CDH4: variants seen among roughly 807,000 people sequenced by gnomAD.
CDH4 encodes cadherin-4.
A neutral mutation model predicts 86.0 loss-of-function variants in CDH4; 33 were observed. The observed-to-expected ratio is 0.38, with a 90% CI of 0.29 to 0.51. The LOEUF (loss-of-function observed/expected upper bound fraction) is 0.51. Among genes scored for constraint, CDH4 ranks in the 20% least tolerant of loss-of-function variants. The pLI, the probability that CDH4 is intolerant of heterozygous loss-of-function variation, is 0.86. For synonymous variants in CDH4, 555 were observed against 549.4 expected, an observed-to-expected ratio of 1.01 and a Z score of -0.14; for missense variants, 1,114 against 1,307.4, an observed-to-expected ratio of 0.85 and a Z score of 2.28.
At chr20:61,846,300 G>A (rs1242416040) in intron 5 of CDH4, among the ~76,000 whole-genome samples, 1 of 152,232 alleles carries the variant, frequency 6.6e-6, no homozygotes, top group Admixed American at 6.5e-5. Context: ...AGGAGTGGCC[G>A]AGGCAGAACC....
In CDH4 at chr20:61,360,466, A is replaced by G. The variant is rs78657679; in HGVS notation, c.169+105529A>G. 1.5e-3 allele frequency among the ~76,000 whole-genome samples: 222 copies of G among 152,310 alleles called. 1 individual carries two copies. The highest frequency in any genetic ancestry group is 5.0e-3 in the African/African-American group (208 of 41,578). On this transcript the variant is annotated intron_variant, in intron 2 of 15. Transcript: ENST00000614565. ...AGCCATGCATTCCTGGACAGTTGGC[A>G]TCTGCTGGTAGTAGCTGTGAGCCAG... is the stretch of plus-strand genomic sequence containing the variant.
rs1464660831 is a variant in CDH4 at position 61,565,363 on chromosome 20, ATGG to A, written c.170-178189_170-178187del. ...TAGTGGTCCTCTTGGTGATGGGGTG[ATGG>A]TGGTGGTGGTCCTCTTGGTGATGGG... On this transcript the variant is annotated intron_variant, in intron 2 of 15. Coordinates refer to ENST00000614565, the MANE Select transcript of CDH4 (RefSeq NM_001794.5). Among the ~76,000 whole-genome samples the A allele has an allele frequency of 7.1e-4, 11 of 15,516 alleles. 2 individuals carry two copies. The highest frequency in any genetic ancestry group is 1.2e-3 in the Non-Finnish European group (11 of 9,172). The allele number at this position is 15,516 out of a possible 152,430, so 10.2% of individuals were successfully genotyped here.
intron 2 of CDH4, among the ~76,000 whole-genome samples, chr20:61,609,464 G>T (rs1382052928): frequency 6.6e-6 from 1 of 152,142 alleles, no homozygotes; most frequent in Non-Finnish European, 1.5e-5. Context: ...GTGTGTGTTT[G>T]TTTATAGAGT....
intron 4 of CDH4, among the ~76,000 whole-genome samples, chr20:61,793,255 G>A (rs1979311316): frequency 6.6e-6 from 1 of 152,108 alleles, no homozygotes. Context: ...GTGAGCCACT[G>A]TGCCTGGCCC....
rs372521090 is a variant in CDH4, at chr20:61,367,867, C to CTTTTTTTTTTTTTTTTTTTTTT, written c.169+112951_169+112952insTTTTTTTTTTTTTTTTTTTTTT. Among the ~76,000 whole-genome samples, 3 of 119,078 alleles carry CTTTTTTTTTTTTTTTTTTTTTT rather than the reference C, an allele frequency of 2.5e-5. 1 individual carries two copies. 78.1% of individuals were successfully genotyped at this position (119,078 alleles called of 152,430 possible). ...GCCTGGAAATGCCTTTCTCCAGGAT[C>CTTTTTTTTTTTTTTTTTTTTTT]TTTTTTTTTTTTTTTTTTTTTGAGA... On this transcript the variant is annotated intron_variant, in intron 2 of 15. Coordinates refer to ENST00000614565, the MANE Select transcript of CDH4 (RefSeq NM_001794.5).
At chr20:61,292,402 C>T (rs1328975915) in intron 2 of CDH4, among the ~76,000 whole-genome samples, 3 of 152,212 alleles carry the variant, frequency 2.0e-5, no homozygotes, top group South Asian at 2.1e-4. Context: ...GTGGGCACTG[C>T]TCTTTTTATT....
At chr20:61,688,548 C>T (rs1325793385) in intron 2 of CDH4, among the ~76,000 whole-genome samples, 2 of 152,240 alleles carry the variant, frequency 1.3e-5, no homozygotes, top group African/African-American at 2.4e-5. Flanking sequence ...ACCTGCTTCT[C>T]GGCCGCCTTC....
At chr20:61,332,826 C>G (rs1600874313) in intron 2 of CDH4, among the ~76,000 whole-genome samples, 1 of 152,376 alleles carries the variant, frequency 6.6e-6, no homozygotes, top group African/African-American at 2.4e-5. Context: ...TGGCCTCACC[C>G]TGTGTTTTCT....
chr20:61,272,120 T>C (rs1402223955), intron 2 of CDH4, among the ~76,000 whole-genome samples: 1 of 152,194 alleles, frequency 6.6e-6, no homozygotes, highest in Non-Finnish European at 1.5e-5. Context: ...CCAGGCCTCC[T>C]CCTCCTCCTC....
chr20:61,396,715 G>A (rs570825793), intron 2 of CDH4, among the ~76,000 whole-genome samples: 7 of 152,274 alleles, frequency 4.6e-5, no homozygotes, highest in East Asian at 1.9e-4. Flanking sequence ...GGGGCCCTGC[G>A]GAGGCCCCGA....
chr20:61,898,119 C>T (rs1985218299), intron 8 of CDH4, among the ~76,000 whole-genome samples: 2 of 152,190 alleles, frequency 1.3e-5, no homozygotes, highest in Non-Finnish European at 2.9e-5. Flanking sequence ...AGATGGGTGA[C>T]AGGCAGGAGC....
intron 4 of CDH4, among the ~76,000 whole-genome samples, chr20:61,823,945 T>G (rs1181874243): frequency 6.6e-6 from 1 of 152,244 alleles, no homozygotes; most frequent in African/African-American, 2.4e-5. Flanking sequence ...TTATTGAGAT[T>G]GAAGAGACAA....
intron 2 of CDH4, among the ~76,000 whole-genome samples, chr20:61,585,916 G>A (rs1032572529): frequency 6.6e-6 from 1 of 150,786 alleles, no homozygotes; most frequent in African/African-American, 2.4e-5. Context: ...GTGGTGATGC[G>A]GAGGATGATG....
Position 61,773,320 on chromosome 20 carries a change from A to G in CDH4, c.576+138A>G. 4.7e-6 allele frequency: 4 copies of G among 845,104 alleles called. No homozygotes were observed. The East Asian group carries it at 1.1e-4, about 23-fold the overall frequency. The allele number at this position is 845,104 out of a possible 1,614,324, so 52.4% of individuals were successfully genotyped here. A position where few individuals can be genotyped will look rare whatever the true frequency, so the allele number is the denominator to read the frequency against. On this transcript the variant is annotated intron_variant, in intron 4 of 15. Coordinates refer to ENST00000614565, the MANE Select transcript of CDH4 (RefSeq NM_001794.5). The stretch of plus-strand genomic sequence containing the variant: ...GATTTCACCCTTTCTGTAATGAGAT[A>G]AGCCTTACACAGCGCGATGAAAAAT...
At chr20:61,462,708 C>T (rs868848767) in intron 2 of CDH4, among the ~76,000 whole-genome samples, 2 of 152,198 alleles carry the variant, frequency 1.3e-5, no homozygotes, top group African/African-American at 2.4e-5. Context: ...ATCCTCCATC[C>T]TTGTCATTGG....
intron 2 of CDH4, among the ~76,000 whole-genome samples, chr20:61,362,842 A>G (rs2084791588): frequency 6.6e-6 from 1 of 152,160 alleles, no homozygotes; most frequent in South Asian, 2.1e-4. Context: ...TGCCAAGTAC[A>G]AGGGTCCAGC....
intron 2 of CDH4, among the ~76,000 whole-genome samples, chr20:61,415,622 AC>A (rs1475439407): frequency 1.3e-5 from 2 of 152,104 alleles, no homozygotes; most frequent in African/African-American, 4.8e-5. Context: ...GTAGAATCAT[AC>A]CGTATTTGTC....
At chr20:61,275,856 T>C (rs1011582705) in intron 2 of CDH4, among the ~76,000 whole-genome samples, 4 of 152,168 alleles carry the variant, frequency 2.6e-5, no homozygotes, top group Non-Finnish European at 4.4e-5. Context: ...GCACTGTTAA[T>C]CTCAACTTGC....
intron 1 of CDH4, among the ~76,000 whole-genome samples, chr20:61,254,359 G>A (rs889857795): frequency 6.6e-6 from 1 of 152,220 alleles, no homozygotes; most frequent in Non-Finnish European, 1.5e-5. Flanking sequence ...CGGTGACCTG[G>A]AGAGGAGACA....
Sources: gnomAD v4.1 joint callset for allele counts (sites outside exome capture counted in the v4.1 genomes callset) on GRCh38, gnomAD v4.1.1 for gene constraint, MANE v1.5 for transcripts, NCBI Gene and HGNC (gene_info 2026-07-23, HGNC 2026-07-21) for gene names.